C4orf51: variants seen among roughly 807,000 people sequenced by gnomAD.
C4orf51 encodes chromosome 4 open reading frame 51.
C4orf51 carries 25 observed loss-of-function variants against 25.2 expected under a neutral mutation model. That is an observed-to-expected ratio of 0.99 (90% CI 0.72 to 1.39). The LOEUF (loss-of-function observed/expected upper bound fraction) is 1.39, where lower values mean the gene tolerates loss of function less well. Among genes scored for constraint, C4orf51 ranks in the 40% most tolerant of loss-of-function variants. The pLI is 0.00. For missense variants in C4orf51, 252 were observed against 239.6 expected, an observed-to-expected ratio of 1.05 and a Z score of -0.34; for synonymous variants, 100 against 84.5, an observed-to-expected ratio of 1.18 and a Z score of -1.01.
intron 4 of C4orf51, 126 bp from the exon 5 acceptor site, chr4:145,729,766 G>T: frequency 2.8e-6 from 2 of 706,344 alleles, no homozygotes; most frequent in Non-Finnish European, 2.5e-6. Flanking sequence ...GGCAGAGGAG[G>T]GGGCTGTGTA....
the C4orf51 span, among the ~76,000 whole-genome samples, chr4:145,784,660 A>G: frequency 6.6e-6 from 1 of 152,266 alleles, no homozygotes; most frequent in Non-Finnish European, 1.5e-5. Context: ...AAAAGTGCAC[A>G]TATCAATAAC....
chr4:145,791,046 A>G, the C4orf51 span, among the ~76,000 whole-genome samples: 1 of 152,192 alleles, frequency 6.6e-6, no homozygotes, highest in African/African-American at 2.4e-5. Flanking sequence ...ATTTTTCCTC[A>G]GGCAGGGAAT....
At chr4:145,730,154 C>T (rs1289916500) in intron 5 of C4orf51, among the ~76,000 whole-genome samples, 189 bp downstream of exon 5, 5 of 152,184 alleles carry the variant, frequency 3.3e-5, no homozygotes, top group African/African-American at 7.2e-5. Flanking sequence ...TTTCTTAAAG[C>T]ATCATGAATA....
rs1421241910 is a variant in C4orf51 at position 145,762,273 on chromosome 4, C to T, written n.167-8715C>T. On this transcript the variant is annotated intron_variant and non_coding_transcript_variant, in intron 1 of 1. Transcript: ENST00000510096. This position sits in a 1 kb window ranked among gnomAD's most constrained non-coding sequence, Gnocchi z 4.9. ...CTTTGTCAGGAAAGGAAGCTGAGGA[C>T]TATGGCAGGGGCATGGGAGGAGAAG... Among the ~76,000 whole-genome samples, 1 of 152,064 alleles carries T rather than the reference C, an allele frequency of 6.6e-6. No homozygotes were observed. Among genetic ancestry groups the T allele is most frequent in the Admixed American group, 6.5e-5 (1 of 15,280 alleles).
At chr4:145,779,638 C>T in the C4orf51 span, 3 of 1,286,694 alleles carry the variant, frequency 2.3e-6, no homozygotes, top group Non-Finnish European at 3.2e-6. Flanking sequence ...AAATGAGTCT[C>T]CGTAACTGGT....
intron 2 of C4orf51, among the ~76,000 whole-genome samples, chr4:145,709,677 G>T (rs1000498639): frequency 1.1e-4 from 16 of 152,216 alleles, no homozygotes; most frequent in South Asian, 2.1e-4. Flanking sequence ...AGAATAGGCA[G>T]CATCAGTTTT....
At chr4:145,739,953 A>G (rs1372030868) in intron 1 of C4orf51, among the ~76,000 whole-genome samples, 1 of 152,144 alleles carries the variant, frequency 6.6e-6, no homozygotes, top group Non-Finnish European at 1.5e-5. Flanking sequence ...GAGATCTGGG[A>G]AAGGCTCAAC....
At chr4:145,774,609 G>A (rs775070453), downstream of C4orf51, 41 of 1,613,642 alleles carry the variant, frequency 2.5e-5, no homozygotes, top group East Asian at 6.7e-5. Flanking sequence ...CCTTGTCCAC[G>A]TGGAGTGACA....
intron 2 of C4orf51, among the ~76,000 whole-genome samples, chr4:145,725,978 G>A (rs1436539408): frequency 6.6e-6 from 1 of 152,152 alleles, no homozygotes; most frequent in African/African-American, 2.4e-5. Flanking sequence ...AGCTTCTCAA[G>A]ACCTTAATAA....
chr4:145,761,209 A>T lies in C4orf51; in HGVS notation n.167-9779A>T, dbSNP rs764330244. 1 of 1,289,784 alleles carries T rather than the reference A, an allele frequency of 7.8e-7. No individual in the cohort carries two copies. Among genetic ancestry groups the T allele is most frequent in the South Asian group, 1.2e-5 (1 of 81,024 alleles). 79.9% of individuals were successfully genotyped at this position (1,289,784 alleles called of 1,614,324 possible). On this transcript the variant is annotated intron_variant and non_coding_transcript_variant, in intron 1 of 1. Coordinates refer to the C4orf51 transcript ENST00000510096. This position sits in a 1 kb window ranked among gnomAD's most constrained non-coding sequence, Gnocchi z 6.8. ...GCAGTCCCCACTCTGGTGCTTCTTG[A>T]CGTGGCGGCTGAAGACGAAAGGGTG...
chr4:145,752,395 T>C (rs1733719898), intron 1 of C4orf51, among the ~76,000 whole-genome samples: 1 of 152,176 alleles, frequency 6.6e-6, no homozygotes, highest in Non-Finnish European at 1.5e-5. Flanking sequence ...GCTCCCTCTC[T>C]TCAAGGCAGC....
intron 2 of C4orf51, among the ~76,000 whole-genome samples, chr4:145,718,344 G>A (rs746039052): frequency 2.6e-5 from 4 of 152,210 alleles, no homozygotes; most frequent in Non-Finnish European, 5.9e-5. Flanking sequence ...TATGGGATAT[G>A]ACATTTAACA....
intron 3 of C4orf51, among the ~76,000 whole-genome samples, chr4:145,727,912 T>TA (rs1158249927): frequency 9.2e-6 from 1 of 108,742 alleles, no homozygotes; most frequent in Non-Finnish European, 1.7e-5. Context: ...TATATATATA[T>TA]ATATATATAT....
chr4:145,732,376 C>A lies in C4orf51; in HGVS notation c.502-77C>A, dbSNP rs147381345. 6.3e-5 allele frequency: 53 copies of A among 836,960 alleles called. 2 individuals carry two copies. In the African/African-American group the frequency reaches 7.2e-4, roughly 11 times the overall value. The allele number at this position is 836,960 out of a possible 1,614,324, so 51.8% of individuals were successfully genotyped here. On this transcript the variant is annotated intron_variant, in intron 5 of 5. Coordinates refer to ENST00000438731, the MANE Select transcript of C4orf51 (RefSeq NM_001080531.3). ...TGAATGATGTCTGGTTTGGAAGAGA[C>A]CATTTAATTCCCAATTCTGTGGAAA...
At chr4:145,708,880 G>GT (rs572149690) in intron 2 of C4orf51, among the ~76,000 whole-genome samples, 1 of 152,142 alleles carries the variant, frequency 6.6e-6, no homozygotes, top group Non-Finnish European at 1.5e-5. Flanking sequence ...CATTTTCCAT[G>GT]TTTTTTAAGT....
At position 145,765,452 on chromosome 4, in the gene C4orf51, A is replaced by G; in HGVS notation, n.167-5536A>G. ...CATACTGCATCCTGGGCCTATTATCAGTTTTTGACATCGCTCCTGTGCAGG... is the reference window on the plus strand; with the variant it reads ...CATACTGCATCCTGGGCCTATTATCGGTTTTTGACATCGCTCCTGTGCAGG... On this transcript the variant is annotated intron_variant and non_coding_transcript_variant, in intron 1 of 1. Coordinates refer to the C4orf51 transcript ENST00000510096. This position sits in a 1 kb window ranked among gnomAD's most constrained non-coding sequence, Gnocchi z 4.7. 7.1e-7 allele frequency: 1 copy of G among 1,411,626 alleles called. No homozygotes were observed. Among genetic ancestry groups the G allele is most frequent in the African/African-American group, 1.4e-5 (1 of 69,722 alleles). The allele number at this position is 1,411,626 out of a possible 1,614,324, so 87.4% of individuals were successfully genotyped here. A position where few individuals can be genotyped will look rare whatever the true frequency, so the allele number is the denominator to read the frequency against.
downstream of C4orf51, among the ~76,000 whole-genome samples, chr4:145,736,064 T>A (rs1028999380): frequency 2.3e-4 from 35 of 152,204 alleles, no homozygotes; most frequent in Middle Eastern, 6.8e-3. Context: ...CTTAGACTTA[T>A]TAAGTCCCCA....
the C4orf51 span, among the ~76,000 whole-genome samples, chr4:145,780,353 G>A: frequency 1.3e-3 from 197 of 152,232 alleles, 1 homozygote; most frequent in African/African-American, 4.5e-3. Context: ...CCTTAATGAG[G>A]AATTTGTGCT....
chr4:145,707,496 C>T (rs1730881490), intron 2 of C4orf51, among the ~76,000 whole-genome samples: 1 of 152,266 alleles, frequency 6.6e-6, no homozygotes, highest in South Asian at 2.1e-4. Flanking sequence ...TATTTCTATA[C>T]CACTGGGTAG....
Sources: gnomAD v4.1 joint callset for allele counts (sites outside exome capture counted in the v4.1 genomes callset) on GRCh38, gnomAD v4.1.1 for gene constraint, Gnocchi (gnomAD v3.1) non-coding constraint, MANE v1.5 for transcripts, NCBI Gene and HGNC (gene_info 2026-07-23, HGNC 2026-07-21) for gene names.